NOTCH3: variants seen among roughly 807,000 people sequenced by gnomAD.
NOTCH3 encodes the protein neurogenic locus notch homolog protein 3.
Under a neutral mutation model 213.3 loss-of-function variants are expected in NOTCH3, and 86 were observed. The observed-to-expected ratio is 0.40, with a 90% CI of 0.34 to 0.48. NOTCH3 has a LOEUF of 0.48. NOTCH3 is among the 20% of genes least tolerant of loss of function. NOTCH3 has a pLI of 0.57. For missense variants in NOTCH3, 2,783 were observed against 3,272.6 expected (o/e 0.85, Z 3.65); for synonymous variants, 1,354 against 1,355.9 (o/e 1.00, Z 0.03).
intron 29 of NOTCH3, 40 bp from the exon 30 acceptor site, chr19:15,166,131 G>C (rs116216191): frequency 6.4e-7 from 1 of 1,573,488 alleles, no homozygotes; most frequent in South Asian, 1.1e-5. Flanking sequence ...GGTAAACACA[G>C]GGCCTTTTCC....
intron 27 of NOTCH3, 74 bp downstream of exon 27, chr19:15,170,257 G>A (rs1463763182): frequency 2.0e-6 from 3 of 1,524,666 alleles, no homozygotes; most frequent in African/African-American, 1.4e-5. Context: ...TCAGAGGTCT[G>A]AGTCAGGTCA....
chr19:15,161,449 G>T lies in NOTCH3; in HGVS notation c.6179C>A (p.Ser2060Tyr). The T allele has an allele frequency of 6.4e-7, 1 of 1,557,098 alleles. No homozygotes were observed. The change falls in exon 33 of 33, where the codon TCC (serine) becomes TAC (tyrosine). Residue 2060 changes from serine (S) to tyrosine (Y), a missense_variant. By Grantham distance (144) the Ser-to-Tyr change is moderately radical. Around this residue, in one of 6 missense-constraint regions of NOTCH3, gnomAD observed 441 missense variants for 432.1 expected, o/e 1.02. Coordinates refer to ENST00000263388, the MANE Select transcript of NOTCH3 (RefSeq NM_000435.3). Reference protein sequence around the residue: ...LPGLKAAQSGSKKSRRPPGKA... With the variant: ...LPGLKAAQSGYKKSRRPPGKA... ...CCCGGGGGGCCTCCTGCTCTTCTTG[G>T]ACCCCGACTGTGCCGCTTTGAGGCC...
intron 24 of NOTCH3, among the ~76,000 whole-genome samples, chr19:15,176,868 C>T (rs970669165): frequency 2.0e-5 from 3 of 148,952 alleles, no homozygotes; most frequent in Non-Finnish European, 4.4e-5. Context: ...GTCAGGAGTT[C>T]GTGAGCAGCC....
chr19:15,198,803 C>T (rs978774156), intron 1 of NOTCH3, among the ~76,000 whole-genome samples: 11 of 151,868 alleles, frequency 7.2e-5, no homozygotes, highest in African/African-American at 2.4e-4. Context: ...CCCAGCTACT[C>T]GGGAGGCTGA....
In NOTCH3 at chr19:15,159,683, C is replaced by A. The variant is rs770658868; in HGVS notation, c.*979G>T. The A allele has an allele frequency of 1.7e-5, 4 of 232,642 alleles. No homozygotes were observed. Among genetic ancestry groups the A allele is most frequent in the Non-Finnish European group, 2.5e-5 (3 of 117,782 alleles). The allele number at this position is 232,642 out of a possible 1,614,324, so 14.4% of individuals were successfully genotyped here. A position where few individuals can be genotyped will look rare whatever the true frequency, so the allele number is the denominator to read the frequency against. On this transcript the variant is annotated 3_prime_UTR_variant, in exon 33 of 33. Coordinates refer to ENST00000263388, the MANE Select transcript of NOTCH3 (RefSeq NM_000435.3). The stretch of plus-strand genomic sequence containing the variant: ...GTGGTGAGGGGAGTGGGGGGCTGTA[C>A]AATGCAGGGCTTGGGAATTCAGCTA...
At chr19:15,187,833 C>A in intron 10 of NOTCH3, 48 bp downstream of exon 10, 3 of 1,467,214 alleles carry the variant, frequency 2.0e-6, no homozygotes, top group Non-Finnish European at 2.8e-6. Context: ...CTGTCGCCCA[C>A]AAGCCCCGCC....
At chr19:15,184,016 G>T (rs1368844326) in intron 16 of NOTCH3, among the ~76,000 whole-genome samples, 1 of 117,170 alleles carries the variant, frequency 8.5e-6, no homozygotes, top group South Asian at 2.9e-4. Flanking sequence ...GCACTCCAGC[G>T]ACAGAGCTAA....
chr19:15,200,814 A>T lies in NOTCH3; in HGVS notation c.92T>A (p.Leu31Gln). The change falls in exon 1 of 33, where the codon CTG becomes CAG. Residue 31 changes from leucine (L) to glutamine (Q), a missense_variant. This residue lies in a region of NOTCH3 where 708 missense variants were observed against 906.6 expected (regional missense o/e 0.78). Transcript: ENST00000263388. Reference protein sequence around the residue: ...PPPVRALPLLLLLAGPGAAAP... With the variant: ...PPPVRALPLLQLLAGPGAAAP... ...TGCAGCCCCCGGCCCCGCTAGCAGC[A>T]GCAGCAGGGGCAGCGCCCGCACGGG... 1 of 1,255,788 alleles carries T rather than the reference A, an allele frequency of 8.0e-7. No homozygotes were observed. The highest frequency in any genetic ancestry group is 1.0e-6 in the Non-Finnish European group (1 of 992,408). The allele number at this position is 1,255,788 out of a possible 1,614,324, so 77.8% of individuals were successfully genotyped here.
chr19:15,200,702 A>G, intron 1 of NOTCH3, 86 bp downstream of exon 1: 6 of 1,063,354 alleles, frequency 5.6e-6, no homozygotes, highest in East Asian at 4.3e-5. Context: ...CCTGCCTCCC[A>G]TGAACCCCCG....
rs758688586 is a variant in NOTCH3 at position 15,180,114 on chromosome 19, A to T, written c.3285T>A (p.His1095Gln). 3 of 1,612,372 alleles carry T rather than the reference A, an allele frequency of 1.9e-6. No homozygotes were observed. The highest frequency in any genetic ancestry group is 4.5e-5 in the East Asian group (2 of 44,830). Residue 1095 changes from histidine to glutamine, a missense_variant, in exon 20 of 33, where the codon CAT becomes CAA. By Grantham distance (24) the His-to-Gln change is conservative. This residue lies in a region of NOTCH3 where 861 missense variants were observed against 909.1 expected (regional missense o/e 0.95). Transcript: ENST00000263388. ...VDPCLAQPCQ[H>Q]GGTCRGYMGG... ...CCATATAGCCACGGCAGGTCCCCCC[A>T]TGCTGGCAGGGCTGGGCCAAGCAGG...
rs968903084 is a variant in NOTCH3 at position 15,180,837 on chromosome 19, G to A, written c.2995-9C>T. 4 of 1,612,342 alleles carry A rather than the reference G, an allele frequency of 2.5e-6. No homozygotes were observed. Among genetic ancestry groups the A allele is most frequent in the African/African-American group, 2.7e-5 (2 of 74,926 alleles). On this transcript the variant is annotated splice_polypyrimidine_tract_variant and intron_variant, in intron 18 of 32. Transcript: ENST00000263388. Reference sequence around the variant, plus strand: ...CACCAATCCACCAGCGTCTGGAGGGGAAGCACTCAGAGTCAGTACTGTGGG... The same window carrying A: ...CACCAATCCACCAGCGTCTGGAGGGAAAGCACTCAGAGTCAGTACTGTGGG...
At chr19:15,200,665 T>C (rs976194324) in intron 1 of NOTCH3, 123 bp downstream of exon 1, 1 of 707,106 alleles carries the variant, frequency 1.4e-6, no homozygotes. Context: ...AGCCCGGGGC[T>C]CCTGCGCCCC....
chr19:15,176,873 G>C (rs984901413), intron 24 of NOTCH3, among the ~76,000 whole-genome samples: 1 of 150,892 alleles, frequency 6.6e-6, no homozygotes, highest in East Asian at 2.0e-4. Flanking sequence ...GAGTTCGTGA[G>C]CAGCCTGGCC....
intron 24 of NOTCH3, among the ~76,000 whole-genome samples, chr19:15,176,624 G>A (rs763439597): frequency 1.7e-4 from 26 of 151,722 alleles, no homozygotes; most frequent in African/African-American, 3.1e-4. Context: ...TTACCCGGGC[G>A]CGGTGGCTCA....
At position 15,191,970 on chromosome 19, in the gene NOTCH3, G is replaced by C. The variant is rs764093604; in HGVS notation, c.669C>G (p.Ala223=). Residue 223 remains alanine, a synonymous_variant, in exon 4 of 33, where the codon GCC becomes GCG. Transcript: ENST00000263388. ...RQSGDLTYDC[A]CLPGFEGQNC... is the part of the protein sequence containing the mutation. ...GTAGGGCTCACTCACCAGGAAGACA[G>C]GCACAGTCGTAAGTGAGGTCGCCAC... The C allele has an allele frequency of 6.2e-7, 1 of 1,613,482 alleles. No individual in the cohort carries two copies. The highest frequency in any genetic ancestry group is 1.7e-5 in the Admixed American group (1 of 60,014).
intron 19 of NOTCH3, among the ~76,000 whole-genome samples, chr19:15,180,465 A>T (rs2046830173): frequency 6.6e-6 from 1 of 151,934 alleles, no homozygotes. Flanking sequence ...GCTCGGTCAC[A>T]CCCTGTAGCA....
At chr19:15,184,805 G>T in intron 15 of NOTCH3, 101 bp downstream of exon 15, 1 of 719,774 alleles carries the variant, frequency 1.4e-6, no homozygotes, top group Non-Finnish European at 2.4e-6. Context: ...CTCAAAGGCA[G>T]GGCTGGGGAT....
Position 15,160,363 on chromosome 19 carries a change from A to C in NOTCH3, c.*299T>G, listed in dbSNP as rs1386753882. On this transcript the variant is annotated 3_prime_UTR_variant, in exon 33 of 33. Transcript: ENST00000263388. ...ATTCATTCATGTCAGAGTGTAAGGA[A>C]ATGAGAGGCCAGAAGGAGAGAGAAA... is the stretch of plus-strand genomic sequence containing the variant. The C allele has an allele frequency of 4.8e-6, 2 of 412,400 alleles. No individual in the cohort carries two copies. The highest frequency in any genetic ancestry group is 4.0e-5 in the African/African-American group (2 of 50,168). 25.5% of individuals were successfully genotyped at this position (412,400 alleles called of 1,614,324 possible).
intron 24 of NOTCH3, among the ~76,000 whole-genome samples, chr19:15,175,432 G>A (rs2046779354): frequency 6.7e-6 from 1 of 149,830 alleles, no homozygotes; most frequent in Non-Finnish European, 1.5e-5. Flanking sequence ...TACTCGGGAA[G>A]CTGAGGCAGG....
Sources: gnomAD v4.1 joint callset for allele counts (sites outside exome capture counted in the v4.1 genomes callset) on GRCh38, gnomAD v4.1.1 for gene constraint, gnomAD v4.1.1 regional missense constraint, MANE v1.5 for transcripts, NCBI Gene and HGNC (gene_info 2026-07-23, HGNC 2026-07-21) for gene names.